The following NTM variants were observed in gnomAD, a reference collection of about 807,000 sequenced individuals.
NTM encodes the protein IgLON family member 2.
NTM carries 13 observed loss-of-function variants against 42.1 expected under a neutral mutation model. The ratio of observed to expected loss-of-function variants is 0.31; its 90% CI spans 0.20 to 0.49. The LOEUF (loss-of-function observed/expected upper bound fraction) is 0.49. Among genes scored for constraint, NTM ranks in the 20% least tolerant of loss-of-function variants. The pLI is 0.99. For synonymous variants in NTM, 187 were observed against 179.2 expected (o/e 1.04, Z -0.35); for missense variants, 373 against 452.8 (o/e 0.82, Z 1.60).
intron 1 of NTM, among the ~76,000 whole-genome samples, chr11:131,778,033 A>G (rs1427009340): frequency 6.6e-6 from 1 of 152,218 alleles, no homozygotes; most frequent in African/African-American, 2.4e-5. Context: ...AAGTGTTTAC[A>G]ACTCAAAAAC....
intron 1 of NTM, among the ~76,000 whole-genome samples, chr11:131,846,998 G>A (rs893943365): frequency 3.3e-5 from 5 of 152,140 alleles, no homozygotes; most frequent in African/African-American, 1.2e-4. Flanking sequence ...TTAAGGCTCT[G>A]GCTTAAAAGC....
At chr11:131,830,033 T>G (rs2042620335) in intron 1 of NTM, among the ~76,000 whole-genome samples, 1 of 152,302 alleles carries the variant, frequency 6.6e-6, no homozygotes, top group South Asian at 2.1e-4. Context: ...ATGGGGTTAT[T>G]TTTTGCTTTT....
intron 1 of NTM, among the ~76,000 whole-genome samples, chr11:131,530,411 T>C (rs1052640366): frequency 1.4e-5 from 2 of 143,348 alleles, no homozygotes; most frequent in African/African-American, 5.6e-5. Context: ...TCTAGTAAAG[T>C]TGAGTGCCTT....
In NTM at chr11:132,293,043, G is replaced by A. The variant is rs1249841109; in HGVS notation, c.527-14646G>A. ...CATGGAGGTAAGATCAAGAATATGA[G>A]GGGCCGGTTTTTGACGGATTGTACT... On this transcript the variant is annotated intron_variant, in intron 4 of 8. Transcript: ENST00000683400. 3.3e-5 allele frequency among the ~76,000 whole-genome samples: 5 copies of A among 152,248 alleles called. No homozygotes were observed. The South Asian group carries it at 8.3e-4, about 25-fold the overall frequency.
At chr11:132,172,025 A>G (rs1480316158) in intron 3 of NTM, among the ~76,000 whole-genome samples, 2 of 152,234 alleles carry the variant, frequency 1.3e-5, no homozygotes, top group Non-Finnish European at 2.9e-5. Flanking sequence ...ACAGCTTGAT[A>G]GACCACAGTC....
At chr11:132,315,578 G>T (rs1473857497) in intron 7 of NTM, among the ~76,000 whole-genome samples, 1 of 152,194 alleles carries the variant, frequency 6.6e-6, no homozygotes, top group Admixed American at 6.5e-5. Flanking sequence ...ATGTGATGGG[G>T]AAGTAAGGGG....
At chr11:132,320,458 G>A (rs566293963) in intron 7 of NTM, among the ~76,000 whole-genome samples, 30 of 152,318 alleles carry the variant, frequency 2.0e-4, no homozygotes, top group African/African-American at 6.3e-4. Flanking sequence ...CGAATACTGC[G>A]CTTTTCCGAC....
chr11:131,969,574 G>A (rs2063269051), intron 2 of NTM, among the ~76,000 whole-genome samples: 1 of 152,186 alleles, frequency 6.6e-6, no homozygotes, highest in Non-Finnish European at 1.5e-5. Context: ...CTATGGATTA[G>A]CCACATAATA....
rs2090159807 is a variant in NTM, at chr11:131,789,510, AAG to A, written c.83-122052_83-122051del. On this transcript the variant is annotated intron_variant, in intron 1 of 8. Coordinates refer to ENST00000683400, the MANE Select transcript of NTM (RefSeq NM_001352005.2). ...AAGAAGAGGAAAGAAGAAGAAGAAG[AAG>A]AAGAAGAAGAAGAAGAAGAAGAAGA... Among the ~76,000 whole-genome samples the A allele has an allele frequency of 6.1e-4, 9 of 14,760 alleles. 3 individuals are homozygous for A. The highest frequency in any genetic ancestry group is 7.4e-4 in the Non-Finnish European group (6 of 8,090). The allele number at this position is 14,760 out of a possible 152,430, so 9.7% of individuals were successfully genotyped here.
At chr11:132,009,644 C>T (rs976290776) in intron 2 of NTM, among the ~76,000 whole-genome samples, 1 of 152,206 alleles carries the variant, frequency 6.6e-6, no homozygotes, top group East Asian at 1.9e-4. Context: ...CTCTGTTTTG[C>T]ACGCCACACT....
At chr11:132,031,866 T>A (rs2075965204) in intron 2 of NTM, among the ~76,000 whole-genome samples, 1 of 152,176 alleles carries the variant, frequency 6.6e-6, no homozygotes, top group South Asian at 2.1e-4. Context: ...AGTCTTTAAA[T>A]CTTCTTGTTC....
intron 1 of NTM, among the ~76,000 whole-genome samples, chr11:131,580,414 C>T (rs1057033789): frequency 1.9e-4 from 29 of 152,160 alleles, no homozygotes; most frequent in African/African-American, 6.5e-4. Flanking sequence ...TCTCCCACCA[C>T]CTGCCACACC....
At chr11:131,440,816 T>TAAAAAAAAAAAAAA (rs55915027) in intron 1 of NTM, among the ~76,000 whole-genome samples, 3 of 42,922 alleles carry the variant, frequency 7.0e-5, no homozygotes, top group African/African-American at 2.1e-4. Flanking sequence ...ACAGCCTCCA[T>TAAAAAAAAAAAAAA]AAAAAAAAAA....
chr11:131,567,116 A>G (rs931312033), intron 1 of NTM, among the ~76,000 whole-genome samples: 1 of 152,050 alleles, frequency 6.6e-6, no homozygotes, highest in African/African-American at 2.4e-5. Context: ...CCTAAGGAAC[A>G]TGTCTTTTCC....
intron 1 of NTM, chr11:131,535,642 A>T (rs961767545): frequency 5.9e-5 from 9 of 152,232 alleles, no homozygotes; most frequent in African/African-American, 2.2e-4. Context: ...AAACATTGCA[A>T]TTACCCCAAG....
chr11:132,305,756 CCTAAAGATG>C (rs2095054506), intron 4 of NTM, among the ~76,000 whole-genome samples: 1 of 152,148 alleles, frequency 6.6e-6, no homozygotes, highest in African/African-American at 2.4e-5. Flanking sequence ...GTACCTTTCC[CCTAAAGATG>C]CTTATCAAAC....
chr11:131,460,750 C>T (rs888973035), intron 1 of NTM, among the ~76,000 whole-genome samples: 1 of 152,130 alleles, frequency 6.6e-6, no homozygotes, highest in African/African-American at 2.4e-5. Context: ...GACGGGGTTT[C>T]ACCATGTTGG....
rs1327901424 is a variant in NTM at position 131,664,065 on chromosome 11, G to T, written c.83-247499G>T. The stretch of plus-strand genomic sequence containing the variant: ...ACCCTGGGCTCGCTCCCCTCTAGCT[G>T]TGCAGAGCAACCAAATTCTTGACTG... On this transcript the variant is annotated intron_variant, in intron 1 of 8. Coordinates refer to ENST00000683400, the MANE Select transcript of NTM (RefSeq NM_001352005.2). Among the ~76,000 whole-genome samples the T allele has an allele frequency of 2.6e-5, 4 of 152,216 alleles. No individual in the cohort carries two copies. In the East Asian group the frequency reaches 7.7e-4, roughly 29 times the overall value.
chr11:131,643,128 T>C (rs781221901), intron 1 of NTM, among the ~76,000 whole-genome samples: 8 of 152,044 alleles, frequency 5.3e-5, no homozygotes, highest in Non-Finnish European at 8.8e-5. Context: ...CAATTCCTAT[T>C]ACAGAAGCAT....
Sources: gnomAD v4.1 joint callset for allele counts (sites outside exome capture counted in the v4.1 genomes callset) on GRCh38, gnomAD v4.1.1 for gene constraint, MANE v1.5 for transcripts, NCBI Gene and HGNC (gene_info 2026-07-23, HGNC 2026-07-21) for gene names.